Variants in MARCHF1 observed in about 807,000 individuals in gnomAD.
MARCHF1 encodes the protein E3 ubiquitin-protein ligase MARCHF1.
In MARCHF1, 40 loss-of-function variants were observed where a neutral mutation model predicts 54.2. That is an observed-to-expected ratio of 0.74 (90% CI 0.57 to 0.96). MARCHF1 has a LOEUF of 0.96. Ranked by LOEUF, MARCHF1 falls within the 40% of genes least tolerant of loss-of-function variation. MARCHF1 has a pLI of 0.00. For synonymous variants in MARCHF1, 236 were observed against 236.3 expected, an observed-to-expected ratio of 1.00 and a Z score of 0.01; for missense variants, 586 against 656.5, an observed-to-expected ratio of 0.89 and a Z score of 1.17.
At chr4:164,125,176 T>A (rs1474615582) in intron 1 of MARCHF1, among the ~76,000 whole-genome samples, 1 of 152,150 alleles carries the variant, frequency 6.6e-6, no homozygotes, top group Non-Finnish European at 1.5e-5. Flanking sequence ...AGTGAGAGAA[T>A]GCCTCAATAT....
chr4:163,535,752 GCT>G lies in MARCHF1; in HGVS notation c.1340-6708_1340-6707del, dbSNP rs1491311828. Among the ~76,000 whole-genome samples, 8 of 110,254 alleles carry G rather than the reference GCT, an allele frequency of 7.3e-5. No individual in the cohort carries two copies. The Admixed American group carries it at 7.9e-4, about 11-fold the overall frequency. The allele number at this position is 110,254 out of a possible 152,430, so 72.3% of individuals were successfully genotyped here. A position where few individuals can be genotyped will look rare whatever the true frequency, so the allele number is the denominator to read the frequency against. On this transcript the variant is annotated intron_variant, in intron 9 of 9. Transcript: ENST00000514618. Reference sequence around the variant, plus strand: ...GTCCATGCATTTGGAATATAGAAGGGCTTTTTTTTTTTTTTCTTAAGTTCCTA... The same window carrying G: ...GTCCATGCATTTGGAATATAGAAGGGTTTTTTTTTTTTTCTTAAGTTCCTA...
chr4:163,836,997 T>G (rs1749207941), intron 4 of MARCHF1, among the ~76,000 whole-genome samples: 1 of 152,146 alleles, frequency 6.6e-6, no homozygotes. Context: ...AGAAATGCAT[T>G]TTTTGTGAAA....
chr4:164,175,785 G>A (rs946210025), intron 1 of MARCHF1, among the ~76,000 whole-genome samples: 1 of 152,108 alleles, frequency 6.6e-6, no homozygotes, highest in Non-Finnish European at 1.5e-5. Context: ...TGCAGCTTGG[G>A]GCTTCTTAGC....
chr4:163,580,818 C>T (rs1339173267), intron 8 of MARCHF1, among the ~76,000 whole-genome samples: 1 of 39,356 alleles, frequency 2.5e-5, no homozygotes, highest in Non-Finnish European at 5.1e-5. Flanking sequence ...TTTTTTGAGA[C>T]GGAGTCTCGC....
intron 5 of MARCHF1, among the ~76,000 whole-genome samples, chr4:163,696,874 T>C (rs937965373): frequency 6.6e-6 from 1 of 152,194 alleles, no homozygotes; most frequent in Admixed American, 6.5e-5. Flanking sequence ...CTGTCTATAC[T>C]TCTTTTTTAG....
intron 4 of MARCHF1, among the ~76,000 whole-genome samples, chr4:163,741,888 G>A (rs1251833014): frequency 6.6e-6 from 1 of 152,046 alleles, no homozygotes; most frequent in East Asian, 1.9e-4. Context: ...ACATTTTAAT[G>A]TTTTCCATTA....
chr4:163,882,356 C>T (rs1750435213), intron 3 of MARCHF1, among the ~76,000 whole-genome samples: 1 of 152,118 alleles, frequency 6.6e-6, no homozygotes, highest in African/African-American at 2.4e-5. Flanking sequence ...CTTTAGACAG[C>T]CTGAAATCTC....
At chr4:163,727,854 T>G (rs1745710289) in intron 4 of MARCHF1, among the ~76,000 whole-genome samples, 1 of 152,026 alleles carries the variant, frequency 6.6e-6, no homozygotes, top group Non-Finnish European at 1.5e-5. Flanking sequence ...ATTGTTTTAT[T>G]TTTTTAATTT....
intron 4 of MARCHF1, among the ~76,000 whole-genome samples, chr4:163,846,486 C>T (rs1194886169): frequency 2.0e-5 from 3 of 152,016 alleles, no homozygotes; most frequent in Admixed American, 6.6e-5. Context: ...GGGAATAACT[C>T]GGAAGAGAGT....
chr4:164,276,947 T>TATATATATATATATATATAG (rs1392528920), intron 1 of MARCHF1, among the ~76,000 whole-genome samples: 212 of 118,706 alleles, frequency 1.8e-3, no homozygotes, highest in Admixed American at 9.3e-3. Flanking sequence ...TATATATATA[T>TATATATATATATATATATAG]AGAGAGAGAG....
At chr4:164,132,881 T>C (rs1756330601) in intron 1 of MARCHF1, among the ~76,000 whole-genome samples, 1 of 152,260 alleles carries the variant, frequency 6.6e-6, no homozygotes, top group Middle Eastern at 3.4e-3. Flanking sequence ...TAAAAATATA[T>C]ATTATAATCA....
chr4:163,581,547 A>G (rs933744101), intron 8 of MARCHF1, among the ~76,000 whole-genome samples: 7 of 152,240 alleles, frequency 4.6e-5, no homozygotes, highest in Non-Finnish European at 1.5e-5. Flanking sequence ...CAAATAATCA[A>G]TAACAAGTTT....
intron 2 of MARCHF1, among the ~76,000 whole-genome samples, chr4:164,019,116 G>A (rs1188210310): frequency 6.6e-6 from 1 of 152,172 alleles, no homozygotes; most frequent in Non-Finnish European, 1.5e-5. Context: ...ACCAGCAAAG[G>A]AATGAAGAGT....
At chr4:163,686,871 A>G (rs944028278) in intron 5 of MARCHF1, among the ~76,000 whole-genome samples, 1 of 152,194 alleles carries the variant, frequency 6.6e-6, no homozygotes, top group Non-Finnish European at 1.5e-5. Flanking sequence ...TAATTGCAAT[A>G]ATTTTTGTTA....
At chr4:163,654,728 C>T (rs190268394) in intron 5 of MARCHF1, among the ~76,000 whole-genome samples, 1 of 151,576 alleles carries the variant, frequency 6.6e-6, no homozygotes, top group Non-Finnish European at 1.5e-5. Context: ...TACTTTCGAT[C>T]ATCAGTGTCT....
At chr4:164,333,727 A>C (rs1257053223) in intron 1 of MARCHF1, among the ~76,000 whole-genome samples, 1 of 152,232 alleles carries the variant, frequency 6.6e-6, no homozygotes, top group Non-Finnish European at 1.5e-5. Flanking sequence ...ACTGTCTCTC[A>C]CTTGAAATCA....
intron 1 of MARCHF1, among the ~76,000 whole-genome samples, chr4:164,147,491 C>A (rs1729785553): frequency 1.7e-5 from 2 of 114,604 alleles, no homozygotes; most frequent in Admixed American, 9.6e-5. Context: ...TACTATGCAG[C>A]CATAAAAAAT....
chr4:164,199,516 G>A (rs138703995), intron 1 of MARCHF1, among the ~76,000 whole-genome samples: 2 of 152,040 alleles, frequency 1.3e-5, no homozygotes, highest in East Asian at 1.9e-4. Context: ...TGTAGAGCCC[G>A]CCTGTAATCC....
intron 4 of MARCHF1, among the ~76,000 whole-genome samples, chr4:163,721,648 C>G (rs2111292009): frequency 6.6e-6 from 1 of 152,290 alleles, no homozygotes; most frequent in Non-Finnish European, 1.5e-5. Context: ...GGCTGTAAAT[C>G]CATCTGGTCC....
Sources: gnomAD v4.1 joint callset for allele counts (sites outside exome capture counted in the v4.1 genomes callset) on GRCh38, gnomAD v4.1.1 for gene constraint, MANE v1.5 for transcripts, NCBI Gene and HGNC (gene_info 2026-07-23, HGNC 2026-07-21) for gene names.